Variants in IRAK1BP1 observed in about 807,000 individuals in gnomAD.
IRAK1BP1 encodes the protein interleukin 1 receptor associated kinase 1 binding protein 1.
In IRAK1BP1, 24 loss-of-function variants were observed where a neutral mutation model predicts 28.0. The observed-to-expected ratio is 0.86, with a 90% CI of 0.62 to 1.20. The LOEUF is 1.20. Among genes scored for constraint, IRAK1BP1 ranks in the 50% most tolerant of loss-of-function variants. IRAK1BP1 has a pLI of 0.00. For synonymous variants in IRAK1BP1, 131 were observed against 116.3 expected (o/e 1.13, Z -0.81); for missense variants, 336 against 316.7 (o/e 1.06, Z -0.46).
At chr6:78,974,597 T>G in the IRAK1BP1 span, among the ~76,000 whole-genome samples, 48 of 152,096 alleles carry the variant, frequency 3.2e-4, no homozygotes, top group African/African-American at 1.1e-3. Flanking sequence ...AGCTGGTTTT[T>G]TGAAAGATCA....
intron 1 of IRAK1BP1, among the ~76,000 whole-genome samples, chr6:78,876,366 T>C (rs893484556): frequency 6.6e-6 from 1 of 152,240 alleles, no homozygotes; most frequent in Non-Finnish European, 1.5e-5. Context: ...AGGTAGTATC[T>C]TTATAGCAGC....
chr6:78,867,651 C>T lies in IRAK1BP1; in HGVS notation c.75C>T (p.Asn25=). 1 of 1,614,242 alleles carries T rather than the reference C, an allele frequency of 6.2e-7. No individual in the cohort carries two copies. Among genetic ancestry groups the T allele is most frequent in the South Asian group, 1.1e-5 (1 of 91,088 alleles). Residue 25 remains asparagine (N), a synonymous_variant, in exon 1 of 4, where the codon AAC becomes AAT. Transcript: ENST00000369940. ...LVPWADRSRE[N]NLASGRETLP... is the part of the protein sequence containing the mutation. ...CCTGGGCTGACCGGAGCCGGGAGAA[C>T]AACCTGGCCTCAGGGAGAGAGACGC...
At chr6:78,967,778 T>C in the IRAK1BP1 span, among the ~76,000 whole-genome samples, 5 of 152,172 alleles carry the variant, frequency 3.3e-5, no homozygotes, top group East Asian at 1.9e-4. Flanking sequence ...TTCTGGAATA[T>C]TGCTGCACTT....
Position 78,867,584 on chromosome 6 carries a change from T to C in IRAK1BP1, c.8T>C (p.Leu3Pro), listed in dbSNP as rs770332623. 13 of 1,613,558 alleles carry C rather than the reference T, an allele frequency of 8.1e-6. No individual in the cohort carries two copies. The South Asian group carries it at 1.2e-4, about 15-fold the overall frequency. Reference protein sequence around the residue: MSLQKTPPTRVFV... With the variant: MSPQKTPPTRVFV... ...AACCCAGCTGCCATCGCTATGTCTCTGCAAAAGACCCCTCCGACCCGAGTG... is the reference window on the plus strand; with the variant it reads ...AACCCAGCTGCCATCGCTATGTCTCCGCAAAAGACCCCTCCGACCCGAGTG... The change falls in exon 1 of 4, where the codon CTG becomes CCG. Residue 3 changes from leucine to proline, a missense_variant. Physicochemically the swap from Leu to Pro is moderately conservative, Grantham distance 98 (BLOSUM62 -3). Coordinates refer to ENST00000369940, the MANE Select transcript of IRAK1BP1 (RefSeq NM_001010844.4).
the IRAK1BP1 span, among the ~76,000 whole-genome samples, chr6:78,964,674 G>A: frequency 7.2e-5 from 11 of 151,968 alleles, no homozygotes; most frequent in Admixed American, 7.2e-4. Flanking sequence ...TGTATTTTTA[G>A]TTGAGACGGG....
intron 4 of IRAK1BP1, among the ~76,000 whole-genome samples, chr6:78,943,990 TA>T (rs558983037): frequency 1.2e-4 from 9 of 78,156 alleles, no homozygotes; most frequent in African/African-American, 2.1e-4. Flanking sequence ...TGTCTTTTTT[TA>T]AAAAAAAAAA....
At chr6:78,959,974 C>T in the IRAK1BP1 span, among the ~76,000 whole-genome samples, 5 of 152,076 alleles carry the variant, frequency 3.3e-5, no homozygotes, top group Admixed American at 3.3e-4. Context: ...CATCATATGG[C>T]AATCAACTGT....
the IRAK1BP1 span, among the ~76,000 whole-genome samples, chr6:78,953,026 C>T: frequency 1.3e-5 from 2 of 150,972 alleles, no homozygotes; most frequent in Non-Finnish European, 3.0e-5. Context: ...GTAGATCACT[C>T]CCTTATATAG....
downstream of IRAK1BP1, chr6:78,947,851 G>C: frequency 2.1e-6 from 2 of 952,422 alleles, no homozygotes; most frequent in Non-Finnish European, 1.6e-6. Flanking sequence ...GATTCGCACA[G>C]GATTTTTATG....
chr6:78,912,606 ATGT>A (rs1487896288), intron 4 of IRAK1BP1, among the ~76,000 whole-genome samples: 1 of 152,222 alleles, frequency 6.6e-6, no homozygotes, highest in Non-Finnish European at 1.5e-5. Context: ...ACTACAGGAA[ATGT>A]TGTCAATAAC....
At chr6:78,960,114 A>G in the IRAK1BP1 span, among the ~76,000 whole-genome samples, 1 of 152,142 alleles carries the variant, frequency 6.6e-6, no homozygotes, top group African/African-American at 2.4e-5. Context: ...AAAGATGAAA[A>G]TTCAAAATTT....
At chr6:78,954,138 G>A in the IRAK1BP1 span, among the ~76,000 whole-genome samples, 1 of 152,090 alleles carries the variant, frequency 6.6e-6, no homozygotes, top group Admixed American at 6.5e-5. Context: ...CTCTTGCTCT[G>A]TCGCCCAGGC....
intron 1 of IRAK1BP1, among the ~76,000 whole-genome samples, chr6:78,873,009 A>G (rs1770843252): frequency 6.6e-6 from 1 of 152,094 alleles, no homozygotes. Context: ...TAATCCCAGC[A>G]CTTTGGGAGT....
intron 4 of IRAK1BP1, among the ~76,000 whole-genome samples, chr6:78,925,948 C>G (rs1160803024): frequency 1.3e-5 from 2 of 151,988 alleles, no homozygotes; most frequent in East Asian, 3.9e-4. Context: ...AACAGAAAAC[C>G]AAATACTGTG....
chr6:78,914,651 CAT>C (rs1305405272), intron 4 of IRAK1BP1, among the ~76,000 whole-genome samples: 2 of 152,120 alleles, frequency 1.3e-5, no homozygotes, highest in African/African-American at 4.8e-5. Context: ...TGAAATATGA[CAT>C]ATTTATAATT....
At chr6:78,927,878 G>A (rs1365926030) in intron 4 of IRAK1BP1, among the ~76,000 whole-genome samples, 1 of 152,034 alleles carries the variant, frequency 6.6e-6, no homozygotes, top group Non-Finnish European at 1.5e-5. Context: ...TCTATATTCT[G>A]TTCCATTGGT....
Position 78,914,882 on chromosome 6 carries a change from G to A in IRAK1BP1, c.*67+11772G>A, listed in dbSNP as rs71565017. Among the ~76,000 whole-genome samples the A allele has an allele frequency of 4.9e-3, 741 of 152,304 alleles. 4 individuals are homozygous for A. Among genetic ancestry groups the A allele is most frequent in the South Asian group, 0.02 (97 of 4,830 alleles). Reference sequence around the variant, plus strand: ...ATCACCCGGGCTGGAGTGCAGTGGTGTGATCTCAGCTCACTGCAACCTCCA... The same window carrying A: ...ATCACCCGGGCTGGAGTGCAGTGGTATGATCTCAGCTCACTGCAACCTCCA... On this transcript the variant is annotated intron_variant and NMD_transcript_variant, in intron 4 of 4. Transcript: ENST00000606868.
At chr6:78,961,057 A>G in the IRAK1BP1 span, among the ~76,000 whole-genome samples, 2 of 152,094 alleles carry the variant, frequency 1.3e-5, no homozygotes, top group Non-Finnish European at 2.9e-5. Flanking sequence ...AACTATAAAC[A>G]TATTTTTTGA....
intron 1 of IRAK1BP1, among the ~76,000 whole-genome samples, chr6:78,879,042 G>A (rs564336669): frequency 1.3e-5 from 2 of 152,226 alleles, no homozygotes; most frequent in African/African-American, 4.8e-5. Context: ...AAAGTGACGG[G>A]GAGAATGGAA....
Sources: allele counts gnomAD v4.1 joint callset (sites outside exome capture counted in the v4.1 genomes callset), GRCh38; gene constraint gnomAD v4.1.1; transcripts MANE v1.5; gene names NCBI Gene and HGNC (gene_info 2026-07-23, HGNC 2026-07-21).